The following TMEM154 variants were observed in gnomAD, a reference collection of about 807,000 sequenced individuals.
TMEM154 encodes transmembrane protein 154.
TMEM154 carries 27 observed loss-of-function variants against 24.5 expected under a neutral mutation model. That is an observed-to-expected ratio of 1.10 (90% CI 0.81 to 1.52). TMEM154 has a LOEUF of 1.52. Ranked by LOEUF, TMEM154 falls within the 40% of genes most tolerant of loss-of-function variation. The pLI is 0.00. For synonymous variants in TMEM154, 67 were observed against 76.8 expected, an observed-to-expected ratio of 0.87 and a Z score of 0.67; for missense variants, 228 against 213.4, an observed-to-expected ratio of 1.07 and a Z score of -0.43.
intron 6 of TMEM154, among the ~76,000 whole-genome samples, chr4:152,634,429 A>T (rs897950977): frequency 6.6e-6 from 1 of 152,232 alleles, no homozygotes; most frequent in Non-Finnish European, 1.5e-5. Flanking sequence ...ATAAAGTCAC[A>T]TAACAATTAG....
rs539426422 is a variant in TMEM154, at chr4:152,675,445, T to C, written c.64+4425A>G. On this transcript the variant is annotated intron_variant, in intron 1 of 6. Transcript: ENST00000304385. Reference sequence around the variant, plus strand: ...GAGTTTGAGACCAGCCTGACCAACATGGAGAAACCCCATCTCTACTAAAAA... The same window carrying C: ...GAGTTTGAGACCAGCCTGACCAACACGGAGAAACCCCATCTCTACTAAAAA... Among the ~76,000 whole-genome samples the C allele has an allele frequency of 1.8e-4, 27 of 152,072 alleles. No homozygotes were observed. In the East Asian group the frequency reaches 5.2e-3, roughly 30 times the overall value.
chr4:152,631,793 C>CTTTTTTTT (rs34455123), intron 6 of TMEM154, among the ~76,000 whole-genome samples: 2 of 61,356 alleles, frequency 3.3e-5, no homozygotes, highest in Non-Finnish European at 2.8e-5. Context: ...ATCTATCCCC[C>CTTTTTTTT]TTTTTTTTTT....
At chr4:152,642,326 C>T (rs898562633) in intron 5 of TMEM154, among the ~76,000 whole-genome samples, 1 of 151,716 alleles carries the variant, frequency 6.6e-6, no homozygotes, top group Admixed American at 6.6e-5. Flanking sequence ...GTAAAAAATA[C>T]AAATGACATG....
rs70949603 is a variant in TMEM154, at chr4:152,625,683, C to CA, written c.*2862dup. ...TGGGTGACAGAGTGAGACTCCATCTCAAAAAAAAAAAAAAAAAGTCAGGTG... is the reference window on the plus strand; with the variant it reads ...TGGGTGACAGAGTGAGACTCCATCTCAAAAAAAAAAAAAAAAAAGTCAGGTG... On this transcript the variant is annotated 3_prime_UTR_variant, in exon 7 of 7. Transcript: ENST00000304385. The CA allele has an allele frequency of 5.6e-3, 421 of 75,846 alleles. No homozygotes were observed. Among genetic ancestry groups the CA allele is most frequent in the African/African-American group, 0.016 (321 of 20,474 alleles). 4.7% of individuals were successfully genotyped at this position (75,846 alleles called of 1,614,324 possible).
chr4:152,671,385 C>T (rs1396089224), intron 1 of TMEM154, among the ~76,000 whole-genome samples: 2 of 152,092 alleles, frequency 1.3e-5, no homozygotes, highest in African/African-American at 2.4e-5. Flanking sequence ...GCAGAACCAT[C>T]ACTCTGGAGG....
At chr4:152,632,222 T>A (rs575789325) in intron 6 of TMEM154, among the ~76,000 whole-genome samples, 2 of 152,316 alleles carry the variant, frequency 1.3e-5, no homozygotes, top group Admixed American at 6.5e-5. Context: ...TTCTTTCTTT[T>A]TAACACTCAA....
chr4:152,666,209 T>C (rs997493828), intron 1 of TMEM154, among the ~76,000 whole-genome samples: 2 of 152,236 alleles, frequency 1.3e-5, no homozygotes, highest in Admixed American at 1.3e-4. Flanking sequence ...CACCTGTTGT[T>C]GTTCTCCACA....
At chr4:152,629,650 C>T (rs1010505395) in intron 6 of TMEM154, among the ~76,000 whole-genome samples, 2 of 152,182 alleles carry the variant, frequency 1.3e-5, no homozygotes, top group African/African-American at 2.4e-5. Flanking sequence ...TCCAAGGGAG[C>T]TTGAATGATA....
At chr4:152,656,764 A>G (rs1728499856) in intron 1 of TMEM154, among the ~76,000 whole-genome samples, 1 of 151,992 alleles carries the variant, frequency 6.6e-6, no homozygotes, top group Non-Finnish European at 1.5e-5. Context: ...TCTACGAAAA[A>G]TACAAAATTA....
At chr4:152,636,702 A>G (rs893132274) in intron 6 of TMEM154, among the ~76,000 whole-genome samples, 1 of 152,214 alleles carries the variant, frequency 6.6e-6, no homozygotes, top group Non-Finnish European at 1.5e-5. Context: ...TGGTATATTC[A>G]GTGTAGGATG....
chr4:152,664,435 A>C (rs1251135375), intron 1 of TMEM154, among the ~76,000 whole-genome samples: 6 of 152,210 alleles, frequency 3.9e-5, no homozygotes, highest in Non-Finnish European at 8.8e-5. Context: ...TGCAGGGCTT[A>C]AAACCTATAT....
intron 6 of TMEM154, among the ~76,000 whole-genome samples, chr4:152,639,378 T>C (rs1229948813): frequency 6.6e-6 from 1 of 152,206 alleles, no homozygotes; most frequent in Non-Finnish European, 1.5e-5. Context: ...GTTTTTAGCA[T>C]CATTGAGGTT....
Position 152,679,890 on chromosome 4 carries a change from G to A in TMEM154, c.44C>T (p.Ala15Val), listed in dbSNP as rs772129607. ...CTTACCCCGGCCGACGGGAACGAGC[G>A]CGATCACCAGGGCGAAGACTAGGGC... ...RAALVFALVI[A>V]LVPVGRGNYE... is the part of the protein sequence containing the mutation. The change falls in exon 1 of 7, where the codon GCG becomes GTG. Residue 15 changes from alanine to valine, a missense_variant. Transcript: ENST00000304385. 6.2e-7 allele frequency: 1 copy of A among 1,610,550 alleles called. No homozygotes were observed. Among genetic ancestry groups the A allele is most frequent in the South Asian group, 1.1e-5 (1 of 90,070 alleles).
chr4:152,656,777 C>T (rs1177643429), intron 1 of TMEM154, among the ~76,000 whole-genome samples: 1 of 151,802 alleles, frequency 6.6e-6, no homozygotes, highest in African/African-American at 2.4e-5. Context: ...CAAAATTAGC[C>T]GGGCATGGTG....
rs1250245349 is a variant in TMEM154 at position 152,623,361 on chromosome 4, GTTTAA to G, written c.*5180_*5184del. 6.6e-6 allele frequency: 1 copy of G among 151,368 alleles called. No individual in the cohort carries two copies. The highest frequency in any genetic ancestry group is 2.4e-5 in the African/African-American group (1 of 41,156). The allele number at this position is 151,368 out of a possible 1,614,324, so 9.4% of individuals were successfully genotyped here. ...ATTATTACTAATCTACCAGATTATT[GTTTAA>G]CTTGTTGAATACCTATAATCTCTGC... On this transcript the variant is annotated 3_prime_UTR_variant, in exon 7 of 7. Transcript: ENST00000304385.
chr4:152,658,897 C>G (rs974245116), intron 1 of TMEM154, among the ~76,000 whole-genome samples: 9 of 151,960 alleles, frequency 5.9e-5, no homozygotes, highest in African/African-American at 1.9e-4. Context: ...TAAGGGAACT[C>G]TTACACACTG....
At chr4:152,649,075 C>T (rs1411066042) in intron 3 of TMEM154, among the ~76,000 whole-genome samples, 1 of 152,234 alleles carries the variant, frequency 6.6e-6, no homozygotes, top group Non-Finnish European at 1.5e-5. Flanking sequence ...TTCCCCAGCT[C>T]ACATTTGCCT....
At position 152,678,076 on chromosome 4, in the gene TMEM154, G is replaced by A. The variant is rs907162419; in HGVS notation, c.64+1794C>T. 2.0e-5 allele frequency among the ~76,000 whole-genome samples: 3 copies of A among 152,256 alleles called. No homozygotes were observed. In the East Asian group the frequency reaches 5.8e-4, roughly 29 times the overall value. ...GTTTGATACTTTTAAGGTGATACAAGAATTTGCTAGGTAGGAAAAAGAATG... is the reference window on the plus strand; with the variant it reads ...GTTTGATACTTTTAAGGTGATACAAAAATTTGCTAGGTAGGAAAAAGAATG... On this transcript the variant is annotated intron_variant, in intron 1 of 6. Coordinates refer to ENST00000304385, the MANE Select transcript of TMEM154 (RefSeq NM_152680.3).
chr4:152,653,500 G>A (rs921401054), intron 1 of TMEM154, among the ~76,000 whole-genome samples: 3 of 149,734 alleles, frequency 2.0e-5, no homozygotes, highest in Admixed American at 6.8e-5. Context: ...AGCAATTCTC[G>A]TGCCTCAGCC....
Sources: allele counts gnomAD v4.1 joint callset (sites outside exome capture counted in the v4.1 genomes callset), GRCh38; gene constraint gnomAD v4.1.1; transcripts MANE v1.5; gene names NCBI Gene and HGNC (gene_info 2026-07-23, HGNC 2026-07-21).